Variants in PUS1 observed in about 807,000 individuals in gnomAD.
PUS1 encodes pseudouridylate synthase 1 homolog.
Under a neutral mutation model 38.5 loss-of-function variants are expected in PUS1, and 25 were observed. The ratio of observed to expected loss-of-function variants is 0.65; its 90% confidence interval spans 0.47 to 0.91. The LOEUF (loss-of-function observed/expected upper bound fraction) is 0.91. Among genes scored for constraint, PUS1 ranks in the 40% least tolerant of loss-of-function variants. The pLI, the probability that PUS1 is intolerant of heterozygous loss-of-function variation, is 0.00. For synonymous variants in PUS1, 282 were observed against 260.4 expected (o/e 1.08, Z -0.80); for missense variants, 597 against 612.3 (o/e 0.97, Z 0.26).
intron 3 of PUS1, among the ~76,000 whole-genome samples, chr12:131,933,913 T>C (rs886317267): frequency 1.3e-5 from 2 of 152,168 alleles, no homozygotes; most frequent in Admixed American, 6.5e-5. Context: ...GACGCACTGC[T>C]ATTTATTGTA....
rs538595461 is a variant in PUS1, at chr12:131,944,854, C to G, written c.*1268C>G. On this transcript the variant is annotated 3_prime_UTR_variant, in exon 6 of 6. Transcript: ENST00000376649. Reference sequence around the variant, plus strand: ...GTCACAGGTGCATCCAGCGGCCCTTCGTAGCTGCAAGGGAGGCTGGGGAAG... The same window carrying G: ...GTCACAGGTGCATCCAGCGGCCCTTGGTAGCTGCAAGGGAGGCTGGGGAAG... 2 of 152,392 alleles carry G rather than the reference C, an allele frequency of 1.3e-5. No individual in the cohort carries two copies. Among genetic ancestry groups the G allele is most frequent in the African/African-American group, 2.4e-5 (1 of 41,474 alleles). The allele number at this position is 152,392 out of a possible 1,614,324, so 9.4% of individuals were successfully genotyped here. A position where few individuals can be genotyped will look rare whatever the true frequency, so the allele number is the denominator to read the frequency against.
chr12:131,939,991 G>A (rs1593295062), intron 4 of PUS1, among the ~76,000 whole-genome samples: 1 of 151,916 alleles, frequency 6.6e-6, no homozygotes, highest in Non-Finnish European at 1.5e-5. Flanking sequence ...TTGTTTTGGT[G>A]TCATCCCAAG....
intron 3 of PUS1, 129 bp downstream of exon 3, chr12:131,932,441 G>T (rs1010499386): frequency 8.9e-7 from 1 of 1,128,712 alleles, no homozygotes; most frequent in Admixed American, 2.0e-5. Flanking sequence ...ACTAGCCTAC[G>T]CCTTATGTAG....
At chr12:131,933,099 C>T (rs1890680094) in intron 3 of PUS1, among the ~76,000 whole-genome samples, 1 of 152,064 alleles carries the variant, frequency 6.6e-6, no homozygotes, top group Non-Finnish European at 1.5e-5. Flanking sequence ...CCAGGTCTTC[C>T]CTAGACACTT....
chr12:131,939,136 G>A, intron 3 of PUS1, 37 bp from the exon 4 acceptor site: 2 of 1,399,182 alleles, frequency 1.4e-6, no homozygotes, highest in Non-Finnish European at 2.0e-6. Flanking sequence ...AGGCCCAAGG[G>A]ACCCACCTTC....
intron 3 of PUS1, among the ~76,000 whole-genome samples, chr12:131,933,549 C>A (rs1354101041): frequency 6.6e-6 from 1 of 152,214 alleles, no homozygotes; most frequent in Admixed American, 6.5e-5. Context: ...TTCAGAACCA[C>A]AAGGCTGAGT....
rs990664870 is a variant in PUS1 at position 131,944,197 on chromosome 12, CAAA to C, written c.*623_*625del. 7 of 126,270 alleles carry C rather than the reference CAAA, an allele frequency of 5.5e-5. No individual in the cohort carries two copies. The highest frequency in any genetic ancestry group is 1.0e-4 in the Non-Finnish European group (6 of 58,900). 7.8% of individuals were successfully genotyped at this position (126,270 alleles called of 1,614,324 possible). A position where few individuals can be genotyped will look rare whatever the true frequency, so the allele number is the denominator to read the frequency against. On this transcript the variant is annotated 3_prime_UTR_variant, in exon 6 of 6. Transcript: ENST00000376649. Reference sequence around the variant, plus strand: ...AGGCTGCCCTGATTGCCACTGCACTCAAAAAAAAAAAAAACAACAACAACCAAA... The same window carrying C: ...AGGCTGCCCTGATTGCCACTGCACTCAAAAAAAAAAACAACAACAACCAAA...
At chr12:131,933,766 G>C (rs1890708681) in intron 3 of PUS1, among the ~76,000 whole-genome samples, 1 of 152,220 alleles carries the variant, frequency 6.6e-6, no homozygotes, top group South Asian at 2.1e-4. Context: ...AGGGCCTGTG[G>C]GTTTTCTCTT....
rs780788882 is a variant in PUS1 at position 131,941,725 on chromosome 12, C to A, written c.978C>A (p.Pro326=). 2 of 1,614,140 alleles carry A rather than the reference C, an allele frequency of 1.2e-6. No homozygotes were observed. The highest frequency in any genetic ancestry group is 1.7e-6 in the Non-Finnish European group (2 of 1,180,026). ...GGGGCACAGAGAAGGTGGACGTGCC[C>A]AAGGCGCCCGGACTCGGCCTGGTCC... ...RSWGTEKVDV[P]KAPGLGLVLE... is the part of the protein sequence containing the mutation. Residue 326 remains proline (P), a synonymous_variant, in exon 5 of 6, where the codon CCC becomes CCA. Transcript: ENST00000376649. The surrounding 1 kb of genome is among the most constrained non-coding windows in gnomAD (Gnocchi z 4.4).
intron 4 of PUS1, among the ~76,000 whole-genome samples, chr12:131,940,173 C>T (rs907793531): frequency 3.3e-5 from 5 of 151,878 alleles, no homozygotes; most frequent in Admixed American, 3.3e-4. Flanking sequence ...GGACTACAGG[C>T]ACACGCCACC....
At chr12:131,940,712 G>T (rs1383789341) in intron 4 of PUS1, among the ~76,000 whole-genome samples, 1 of 152,122 alleles carries the variant, frequency 6.6e-6, no homozygotes, top group Non-Finnish European at 1.5e-5. Context: ...CTTCCCAGTA[G>T]CTGGGATTAC....
chr12:131,931,070 G>A (rs1890579596), intron 2 of PUS1, among the ~76,000 whole-genome samples: 1 of 152,214 alleles, frequency 6.6e-6, no homozygotes, highest in Admixed American at 6.5e-5. Context: ...TGCAGTGCGT[G>A]CAGTGTCTGA....
rs1891255563 is a variant in PUS1, at chr12:131,945,494, T to C, written c.*1908T>C. The C allele has an allele frequency of 6.6e-6, 1 of 152,216 alleles. No homozygotes were observed. Among genetic ancestry groups the C allele is most frequent in the South Asian group, 2.1e-4 (1 of 4,834 alleles). The allele number at this position is 152,216 out of a possible 1,614,324, so 9.4% of individuals were successfully genotyped here. On this transcript the variant is annotated 3_prime_UTR_variant, in exon 6 of 6. Coordinates refer to ENST00000376649, the MANE Select transcript of PUS1 (RefSeq NM_025215.6). Reference sequence around the variant, plus strand: ...TTTACCTGGGATAGACAGGACTTTATTTTTTATTTTTATTTTGTTTGAGAC... The same window carrying C: ...TTTACCTGGGATAGACAGGACTTTACTTTTTATTTTTATTTTGTTTGAGAC...
At chr12:131,940,025 A>T (rs1271720274) in intron 4 of PUS1, among the ~76,000 whole-genome samples, 1 of 151,048 alleles carries the variant, frequency 6.6e-6, no homozygotes, top group Non-Finnish European at 1.5e-5. Flanking sequence ...TGTCTGCCTG[A>T]CTGGTCTGCT....
In PUS1 at chr12:131,929,740, C is replaced by T. The variant is rs1427735213; in HGVS notation, c.18C>T (p.Arg6=). 5 of 1,591,944 alleles carry T rather than the reference C, an allele frequency of 3.1e-6. No individual in the cohort carries two copies. The highest frequency in any genetic ancestry group is 1.4e-5 in the African/African-American group (1 of 74,032). Reference sequence around the variant, plus strand: ...GCCTGCGCATGGGCCTCCAGCTTCGCGCGCTGTTGGGAGCCTTCGGACGGT... The same window carrying T: ...GCCTGCGCATGGGCCTCCAGCTTCGTGCGCTGTTGGGAGCCTTCGGACGGT... MGLQL[R]ALLGAFGRWT... The change falls in exon 1 of 6, where the codon CGC becomes CGT. Residue 6 remains arginine, a synonymous_variant. Coordinates refer to ENST00000376649, the MANE Select transcript of PUS1 (RefSeq NM_025215.6).
At position 131,944,969 on chromosome 12, in the gene PUS1, C is replaced by T. The variant is rs1891236959; in HGVS notation, c.*1383C>T. On this transcript the variant is annotated 3_prime_UTR_variant, in exon 6 of 6. Transcript: ENST00000376649. ...CTTGGCTGGCGGGCTGCCAGGAGCC[C>T]AGGGAGGGGCTCAGCGGAGGAAGTG... 1 of 152,324 alleles carries T rather than the reference C, an allele frequency of 6.6e-6. No individual in the cohort carries two copies. The highest frequency in any genetic ancestry group is 1.5e-5 in the Non-Finnish European group (1 of 68,092). 9.4% of individuals were successfully genotyped at this position (152,324 alleles called of 1,614,324 possible).
At chr12:131,939,128 G>A (rs1328945863) in intron 3 of PUS1, 45 bp from the exon 4 acceptor site, 17 of 1,285,716 alleles carry the variant, frequency 1.3e-5, no homozygotes, top group South Asian at 8.9e-5. Flanking sequence ...AGCGTGCGAG[G>A]CCCAAGGGAC....
chr12:131,931,985 G>T, intron 2 of PUS1, 190 bp from the exon 3 acceptor site: 1 of 685,346 alleles, frequency 1.5e-6, no homozygotes, highest in South Asian at 1.5e-5. Flanking sequence ...CCCTAGCATG[G>T]AGCAGCCCGG....
Position 131,945,480 on chromosome 12 carries a change from T to C in PUS1, c.*1894T>C, listed in dbSNP as rs528587797. 1 of 152,340 alleles carries C rather than the reference T, an allele frequency of 6.6e-6. No homozygotes were observed. Among genetic ancestry groups the C allele is most frequent in the African/African-American group, 2.4e-5 (1 of 41,578 alleles). 9.4% of individuals were successfully genotyped at this position (152,340 alleles called of 1,614,324 possible). A position where few individuals can be genotyped will look rare whatever the true frequency, so the allele number is the denominator to read the frequency against. ...CTAAGCATGTTAATTTTACCTGGGA[T>C]AGACAGGACTTTATTTTTTATTTTT... On this transcript the variant is annotated 3_prime_UTR_variant, in exon 6 of 6. Coordinates refer to ENST00000376649, the MANE Select transcript of PUS1 (RefSeq NM_025215.6).
Sources: gnomAD v4.1 joint callset for allele counts (sites outside exome capture counted in the v4.1 genomes callset) on GRCh38, gnomAD v4.1.1 for gene constraint, Gnocchi (gnomAD v3.1) non-coding constraint, MANE v1.5 for transcripts, NCBI Gene and HGNC (gene_info 2026-07-23, HGNC 2026-07-21) for gene names.